NCAM2: variants seen among roughly 807,000 people sequenced by gnomAD.
NCAM2 encodes the protein N-CAM-2.
Under a neutral mutation model 98.1 loss-of-function variants are expected in NCAM2, and 30 were observed. That is an observed-to-expected ratio of 0.31 (90% CI 0.23 to 0.41). The LOEUF is 0.41. Among genes scored for constraint, NCAM2 ranks in the 10% least tolerant of loss-of-function variants. The probability of loss-of-function intolerance (pLI) is 1.00; values close to 1 mark genes in which losing one functional copy is unlikely to be tolerated. For synonymous variants in NCAM2, 368 were observed against 342.4 expected (o/e 1.07, Z -0.83); for missense variants, 867 against 1,005.8 (o/e 0.86, Z 1.87).
intron 1 of NCAM2, among the ~76,000 whole-genome samples, chr21:21,006,276 G>A (rs1288484037): frequency 6.6e-6 from 1 of 152,160 alleles, no homozygotes; most frequent in Non-Finnish European, 1.5e-5. Context: ...GGAGGCCAAG[G>A]CCGGCAGGTT....
At chr21:21,463,571 G>A (rs233795) in intron 12 of NCAM2, among the ~76,000 whole-genome samples, 84,597 of 151,816 alleles carry the variant, frequency 0.56, 24,957 homozygotes, top group African/African-American at 0.7. Context: ...TTTAGCCATC[G>A]GTGTGCCCTC....
At chr21:21,234,299 G>T (rs2070738055) in intron 1 of NCAM2, among the ~76,000 whole-genome samples, 1 of 151,390 alleles carries the variant, frequency 6.6e-6, no homozygotes, top group Non-Finnish European at 1.5e-5. Context: ...AAAAAAAAAA[G>T]TAGTAAATAA....
intron 12 of NCAM2, among the ~76,000 whole-genome samples, chr21:21,452,954 ATATTATATATTATATAT>A (rs368926550): frequency 0.31 from 23,080 of 74,798 alleles, 2,843 homozygotes; most frequent in Middle Eastern, 0.44. Flanking sequence ...TTTATACTAT[ATATTATATATTATATAT>A]TATTATATAT....
Position 21,402,179 on chromosome 21 carries a change from C to A in NCAM2, c.1196-8095C>A, listed in dbSNP as rs200141648. 5.9e-5 allele frequency among the ~76,000 whole-genome samples: 9 copies of A among 152,216 alleles called. No homozygotes were observed. The East Asian group carries it at 1.7e-3, about 29-fold the overall frequency. On this transcript the variant is annotated intron_variant, in intron 9 of 17. Transcript: ENST00000400546. The stretch of plus-strand genomic sequence containing the variant: ...AGGTCTGACTGCCTGCAGGGTTGGG[C>A]AAAAACAGCCATATTTTTCTTCTTG...
At chr21:21,313,119 T>C (rs907794676) in intron 5 of NCAM2, among the ~76,000 whole-genome samples, 2 of 151,962 alleles carry the variant, frequency 1.3e-5, no homozygotes, top group African/African-American at 4.8e-5. Flanking sequence ...TCTCCTTTTT[T>C]CATCCTGAGT....
intron 1 of NCAM2, among the ~76,000 whole-genome samples, chr21:21,120,816 TC>T (rs2066658092): frequency 6.6e-6 from 1 of 151,856 alleles, no homozygotes; most frequent in Non-Finnish European, 1.5e-5. Flanking sequence ...CCTCCCGGGT[TC>T]AGTCGATTCT....
chr21:21,318,965 T>C (rs1426874994), intron 5 of NCAM2, among the ~76,000 whole-genome samples: 1 of 152,148 alleles, frequency 6.6e-6, no homozygotes, highest in Non-Finnish European at 1.5e-5. Flanking sequence ...TATTAATCAA[T>C]ATTTGCATAA....
At chr21:21,294,465 C>G (rs2073404945) in intron 5 of NCAM2, among the ~76,000 whole-genome samples, 1 of 151,842 alleles carries the variant, frequency 6.6e-6, no homozygotes, top group Non-Finnish European at 1.5e-5. Flanking sequence ...AAAGTAAATT[C>G]TTCTCCTCTG....
intron 1 of NCAM2, among the ~76,000 whole-genome samples, chr21:21,108,522 T>G (rs2066394521): frequency 6.6e-6 from 1 of 152,104 alleles, no homozygotes; most frequent in Non-Finnish European, 1.5e-5. Flanking sequence ...CAAGCATAGA[T>G]AAGAACACTA....
chr21:21,245,060 G>A (rs577974600), intron 1 of NCAM2, among the ~76,000 whole-genome samples: 52 of 152,214 alleles, frequency 3.4e-4, no homozygotes, highest in African/African-American at 1.2e-3. Flanking sequence ...GACTGAGAGT[G>A]TTGAGAGACA....
intron 14 of NCAM2, among the ~76,000 whole-genome samples, chr21:21,472,909 A>G (rs779486660): frequency 2.0e-5 from 3 of 151,656 alleles, no homozygotes; most frequent in African/African-American, 2.4e-5. Context: ...TTAAATTTAG[A>G]ACTCGGCTAA....
chr21:21,454,672 G>A (rs1981857149), intron 12 of NCAM2, among the ~76,000 whole-genome samples: 1 of 151,904 alleles, frequency 6.6e-6, no homozygotes, highest in Non-Finnish European at 1.5e-5. Context: ...TAAACTTTGT[G>A]ATCCTAGGTT....
intron 15 of NCAM2, among the ~76,000 whole-genome samples, chr21:21,480,604 T>C (rs951480960): frequency 1.3e-5 from 2 of 152,030 alleles, no homozygotes; most frequent in Non-Finnish European, 2.9e-5. Flanking sequence ...ACCAGATAAT[T>C]CAAGGGCTTT....
chr21:21,175,906 G>T (rs1277346464), intron 1 of NCAM2, among the ~76,000 whole-genome samples: 2 of 152,162 alleles, frequency 1.3e-5, no homozygotes, highest in Non-Finnish European at 2.9e-5. Flanking sequence ...AATTTTATGT[G>T]TTTAACCTTT....
intron 1 of NCAM2, among the ~76,000 whole-genome samples, chr21:21,216,233 C>T (rs2069894364): frequency 6.6e-6 from 1 of 152,094 alleles, no homozygotes; most frequent in Non-Finnish European, 1.5e-5. Flanking sequence ...CACGAGGAGT[C>T]TCTAACATCT....
intron 15 of NCAM2, among the ~76,000 whole-genome samples, chr21:21,490,779 G>A (rs560353430): frequency 6.6e-6 from 1 of 151,014 alleles, no homozygotes; most frequent in Admixed American, 6.6e-5. Flanking sequence ...AATTGCATTC[G>A]TTTTCATCAT....
At chr21:21,065,978 A>C (rs76039707) in intron 1 of NCAM2, among the ~76,000 whole-genome samples, 1 of 152,190 alleles carries the variant, frequency 6.6e-6, no homozygotes, top group Non-Finnish European at 1.5e-5. Flanking sequence ...AAATAGGTAT[A>C]TGCAGAACAG....
intron 12 of NCAM2, among the ~76,000 whole-genome samples, chr21:21,441,818 A>G (rs1439378280): frequency 6.6e-6 from 1 of 152,140 alleles, no homozygotes; most frequent in Non-Finnish European, 1.5e-5. Flanking sequence ...ATTAAGGAAC[A>G]AAGAGGTCAG....
intron 10 of NCAM2, among the ~76,000 whole-genome samples, chr21:21,416,591 A>T (rs2076999330): frequency 6.6e-6 from 1 of 152,142 alleles, no homozygotes; most frequent in South Asian, 2.1e-4. Flanking sequence ...AATATGAAGA[A>T]ATAGTTTTAT....
Sources: allele counts gnomAD v4.1 joint callset (sites outside exome capture counted in the v4.1 genomes callset), GRCh38; gene constraint gnomAD v4.1.1; transcripts MANE v1.5; gene names NCBI Gene and HGNC (gene_info 2026-07-23, HGNC 2026-07-21).